RFWD3: variants seen among roughly 807,000 people sequenced by gnomAD.
RFWD3 encodes the protein E3 ubiquitin-protein ligase RFWD3.
In RFWD3, 65 loss-of-function variants were observed where a neutral mutation model predicts 87.7. The ratio of observed to expected loss-of-function variants is 0.74; its 90% CI spans 0.61 to 0.91. The LOEUF (loss-of-function observed/expected upper bound fraction) is 0.91, where lower values mean the gene tolerates loss of function less well. Among genes scored for constraint, RFWD3 ranks in the 40% least tolerant of loss-of-function variants. The probability of loss-of-function intolerance (pLI) is 0.00; values close to 1 mark genes in which losing one functional copy is unlikely to be tolerated. For synonymous variants in RFWD3, 433 were observed against 352.8 expected (o/e 1.23, Z -2.55); for missense variants, 1,078 against 938.5 (o/e 1.15, Z -1.94).
chr16:74,630,156 C>T (rs372366918), intron 10 of RFWD3, among the ~76,000 whole-genome samples: 5 of 152,066 alleles, frequency 3.3e-5, no homozygotes, highest in Middle Eastern at 3.4e-3. Flanking sequence ...AGTGCAACGG[C>T]GCAATCTCGG....
intron 8 of RFWD3, among the ~76,000 whole-genome samples, chr16:74,633,350 A>G (rs543730019): frequency 2.0e-5 from 3 of 151,894 alleles, no homozygotes; most frequent in Non-Finnish European, 2.9e-5. Context: ...AGAAGAAGAA[A>G]AAAAAAAAGA....
chr16:74,659,987 C>A (rs562754606), intron 2 of RFWD3, among the ~76,000 whole-genome samples: 1 of 151,518 alleles, frequency 6.6e-6, no homozygotes, highest in African/African-American at 2.4e-5. Flanking sequence ...CTGGGGAGGT[C>A]GAGGCTGCAG....
chr16:74,637,923 G>GA lies in RFWD3; in HGVS notation c.1126dup (p.Ser376PhefsTer13), dbSNP rs758012188. 4.3e-6 allele frequency: 7 copies of GA among 1,612,634 alleles called. No individual in the cohort carries two copies. Among genetic ancestry groups the GA allele is most frequent in the Non-Finnish European group, 5.9e-6 (7 of 1,179,810 alleles). ...CTGCAGTTGGAGTCGGCACTGTGCTGATTCTAACTCGGCCTGTTTCCTTAG... is the reference window on the plus strand; with the variant it reads ...CTGCAGTTGGAGTCGGCACTGTGCTGAATTCTAACTCGGCCTGTTTCCTTAG... On this transcript the variant is annotated frameshift_variant, in exon 7 of 13. Transcript: ENST00000361070. LOFTEE classifies it high-confidence loss of function.
At position 74,641,991 on chromosome 16, in the gene RFWD3, T is replaced by C. The variant is rs1399729499; in HGVS notation, c.1079+2371A>G. On this transcript the variant is annotated intron_variant, in intron 6 of 12. Transcript: ENST00000361070. Reference sequence around the variant, plus strand: ...AAAAACCAAAACAAAACTTTCTATATCATACTATGTATAATTTACAAATAC... The same window carrying C: ...AAAAACCAAAACAAAACTTTCTATACCATACTATGTATAATTTACAAATAC... Among the ~76,000 whole-genome samples, 3 of 147,166 alleles carry C rather than the reference T, an allele frequency of 2.0e-5. No individual in the cohort carries two copies. In the East Asian group the frequency reaches 6.1e-4, roughly 30 times the overall value.
At chr16:74,659,630 T>C (rs1961273837) in intron 2 of RFWD3, among the ~76,000 whole-genome samples, 1 of 151,212 alleles carries the variant, frequency 6.6e-6, no homozygotes, top group Non-Finnish European at 1.5e-5. Flanking sequence ...AATATGCATT[T>C]GCAACTCTTG....
intron 8 of RFWD3, among the ~76,000 whole-genome samples, chr16:74,633,536 G>A: frequency 6.6e-6 from 1 of 152,236 alleles, no homozygotes; most frequent in Admixed American, 6.5e-5. Context: ...TTCCATTTAT[G>A]TAAAATTCTA....
intron 3 of RFWD3, among the ~76,000 whole-genome samples, chr16:74,651,233 A>G (rs1567582012): frequency 6.6e-6 from 1 of 152,226 alleles, no homozygotes; most frequent in Non-Finnish European, 1.5e-5. Flanking sequence ...ACTATTAAAT[A>G]AAGTTCCACT....
chr16:74,631,201 G>C (rs1026775389), intron 9 of RFWD3, among the ~76,000 whole-genome samples: 1 of 152,078 alleles, frequency 6.6e-6, no homozygotes, highest in African/African-American at 2.4e-5. Flanking sequence ...TAAATTAAAA[G>C]GGCTGGACAT....
At chr16:74,653,123 G>C (rs1031403983) in intron 2 of RFWD3, among the ~76,000 whole-genome samples, 1 of 152,186 alleles carries the variant, frequency 6.6e-6, no homozygotes, top group African/African-American at 2.4e-5. Context: ...TAAACTGCTT[G>C]TGCCTAGGAG....
At chr16:74,627,411 A>G (rs894714092) in intron 11 of RFWD3, among the ~76,000 whole-genome samples, 1 of 150,114 alleles carries the variant, frequency 6.7e-6, no homozygotes, top group Non-Finnish European at 1.5e-5. Flanking sequence ...CTCCACCCCT[A>G]CCCCACCCCT....
At chr16:74,639,345 C>T (rs1285905996) in intron 6 of RFWD3, among the ~76,000 whole-genome samples, 1 of 152,150 alleles carries the variant, frequency 6.6e-6, no homozygotes, top group Non-Finnish European at 1.5e-5. Flanking sequence ...GTGCGCTAAG[C>T]CATTTCAATG....
chr16:74,636,472 G>C lies in RFWD3; in HGVS notation c.1300C>G (p.His434Asp). 1 of 1,614,116 alleles carries C rather than the reference G, an allele frequency of 6.2e-7. No individual in the cohort carries two copies. The highest frequency in any genetic ancestry group is 8.5e-7 in the Non-Finnish European group (1 of 1,180,026). The change falls in exon 8 of 13, where the codon CAC (histidine) becomes GAC (aspartate). Residue 434 changes from histidine to aspartate, a missense_variant. Coordinates refer to ENST00000361070, the MANE Select transcript of RFWD3 (RefSeq NM_018124.4). ...CSPSSQGQHK[H>D]KYHFQKTFTV... ...AAGGTCTTTTGGAAGTGGTACTTGT[G>C]CTTGTGCTGGCCCTGGCTGGAGGGT...
chr16:74,660,325 C>T (rs928890301), intron 2 of RFWD3, among the ~76,000 whole-genome samples: 5 of 152,098 alleles, frequency 3.3e-5, no homozygotes, highest in East Asian at 3.9e-4. Flanking sequence ...TGGTGGCACG[C>T]GCCTGTAATG....
At chr16:74,661,631 T>C (rs1057417492) in intron 1 of RFWD3, among the ~76,000 whole-genome samples, 180 bp from the exon 2 acceptor site, 1 of 152,172 alleles carries the variant, frequency 6.6e-6, no homozygotes, top group Non-Finnish European at 1.5e-5. Context: ...GACTTTCCTC[T>C]CTATAACAAG....
At chr16:74,651,165 G>A (rs1960531947) in intron 3 of RFWD3, among the ~76,000 whole-genome samples, 1 of 152,172 alleles carries the variant, frequency 6.6e-6, no homozygotes, top group African/African-American at 2.4e-5. Context: ...AGCGCCCTCT[G>A]GGGATCAGAA....
chr16:74,630,319 C>T lies in RFWD3; in HGVS notation c.1754+462G>A, dbSNP rs553176512. ...TTTACCACGTTGGTCAGGCTGGTCT[C>T]GAATTCCTGACCTCCTGATCTGTCC... On this transcript the variant is annotated intron_variant, in intron 10 of 12. Coordinates refer to ENST00000361070, the MANE Select transcript of RFWD3 (RefSeq NM_018124.4). Among the ~76,000 whole-genome samples, 6 of 152,278 alleles carry T rather than the reference C, an allele frequency of 3.9e-5. No individual in the cohort carries two copies. The South Asian group carries it at 8.3e-4, about 21-fold the overall frequency.
intron 4 of RFWD3, among the ~76,000 whole-genome samples, chr16:74,647,279 T>C (rs1960224334): frequency 6.6e-6 from 1 of 152,040 alleles, no homozygotes; most frequent in African/African-American, 2.4e-5. Flanking sequence ...GACAATGATG[T>C]ATAGGTGTTA....
chr16:74,647,016 G>A (rs1344940891), intron 4 of RFWD3, among the ~76,000 whole-genome samples: 1 of 151,922 alleles, frequency 6.6e-6, no homozygotes, highest in Non-Finnish European at 1.5e-5. Flanking sequence ...GAACCTGGGA[G>A]GCGGAGCCTG....
At chr16:74,638,244 G>A (rs144075094) in intron 6 of RFWD3, among the ~76,000 whole-genome samples, 6 of 152,196 alleles carry the variant, frequency 3.9e-5, no homozygotes, top group East Asian at 1.9e-4. Context: ...GTTCAGCTAC[G>A]GCAAATTGTA....
Sources: gnomAD v4.1 joint callset for allele counts (sites outside exome capture counted in the v4.1 genomes callset) on GRCh38, gnomAD v4.1.1 for gene constraint, MANE v1.5 for transcripts, NCBI Gene and HGNC (gene_info 2026-07-23, HGNC 2026-07-21) for gene names.